The following ABTB3 variants were observed in gnomAD, a reference collection of about 807,000 sequenced individuals.
ABTB3 encodes the protein ankyrin repeat and BTB domain containing 3.
At chr12:107,421,239 A>G in the ABTB3 span, among the ~76,000 whole-genome samples, 1 of 152,190 alleles carries the variant, frequency 6.6e-6, no homozygotes, top group Non-Finnish European at 1.5e-5. Flanking sequence ...ACATCTCTGT[A>G]GTTTTAGAGC....
chr12:107,359,128 C>T, the ABTB3 span, among the ~76,000 whole-genome samples: 1 of 152,316 alleles, frequency 6.6e-6, no homozygotes, highest in South Asian at 2.1e-4. Context: ...AGTTGACATT[C>T]ATACTAATAA....
At chr12:107,340,694 T>C in the ABTB3 span, among the ~76,000 whole-genome samples, 1 of 151,968 alleles carries the variant, frequency 6.6e-6, no homozygotes, top group Non-Finnish European at 1.5e-5. Flanking sequence ...CCCATCCTAT[T>C]TTAGAGAGAA....
the ABTB3 span, among the ~76,000 whole-genome samples, chr12:107,476,016 A>C: frequency 6.6e-6 from 1 of 152,232 alleles, no homozygotes; most frequent in Admixed American, 6.5e-5. Flanking sequence ...CGTGGATCAC[A>C]CTTCCATAGA....
chr12:107,388,003 C>T, the ABTB3 span, among the ~76,000 whole-genome samples: 30 of 139,270 alleles, frequency 2.2e-4, no homozygotes, highest in Non-Finnish European at 3.0e-4. Context: ...GACAGAGTCT[C>T]GCTCTGTTGC....
the ABTB3 span, among the ~76,000 whole-genome samples, chr12:107,458,689 G>A: frequency 6.6e-6 from 1 of 152,150 alleles, no homozygotes; most frequent in African/African-American, 2.4e-5. Flanking sequence ...AGCCTGGGGA[G>A]TACCTGTGGG....
chr12:107,532,818 C>T, the ABTB3 span, among the ~76,000 whole-genome samples: 1 of 151,952 alleles, frequency 6.6e-6, no homozygotes, highest in Admixed American at 6.6e-5. Flanking sequence ...AAACTAGAAA[C>T]AGATTTCTCA....
chr12:107,319,403 G>A, the ABTB3 span: 2 of 1,600,052 alleles, frequency 1.2e-6, no homozygotes, highest in Non-Finnish European at 8.5e-7. Context: ...CCTGCGCTTC[G>A]CCAAGTGCAC....
the ABTB3 span, among the ~76,000 whole-genome samples, chr12:107,576,448 G>A: frequency 6.6e-6 from 1 of 152,142 alleles, no homozygotes; most frequent in South Asian, 2.1e-4. Flanking sequence ...CCACCCTCTT[G>A]CCCCACTGTG....
At chr12:107,591,953 C>A in the ABTB3 span, among the ~76,000 whole-genome samples, 2 of 152,172 alleles carry the variant, frequency 1.3e-5, no homozygotes, top group African/African-American at 4.8e-5. Context: ...CCAAAGCCTA[C>A]GTTCTCTCTA....
At chr12:107,652,583 A>T in the ABTB3 span, among the ~76,000 whole-genome samples, 1 of 152,164 alleles carries the variant, frequency 6.6e-6, no homozygotes, top group South Asian at 2.1e-4. Flanking sequence ...AATTAGAATC[A>T]CCTGGGGGAG....
the ABTB3 span, among the ~76,000 whole-genome samples, chr12:107,545,642 C>T: frequency 6.6e-6 from 1 of 152,196 alleles, no homozygotes; most frequent in Non-Finnish European, 1.5e-5. Context: ...TTACTCAGGT[C>T]TCCCACCATC....
At chr12:107,625,346 ATCT>A in the ABTB3 span, among the ~76,000 whole-genome samples, 4 of 151,724 alleles carry the variant, frequency 2.6e-5, no homozygotes, top group Non-Finnish European at 5.9e-5. Context: ...TCACTTGGAG[ATCT>A]TCTTGGTCCA....
chr12:107,512,645 T>C, the ABTB3 span, among the ~76,000 whole-genome samples: 1 of 152,196 alleles, frequency 6.6e-6, no homozygotes, highest in South Asian at 2.1e-4. Flanking sequence ...AGAAGCAGTA[T>C]GCTGAGTGGC....
chr12:107,353,154 T>C, the ABTB3 span, among the ~76,000 whole-genome samples: 1 of 149,448 alleles, frequency 6.7e-6, no homozygotes, highest in Non-Finnish European at 1.5e-5. Context: ...GACAGCTCTT[T>C]GGAGTTTCTG....
At chr12:107,481,464 T>C in the ABTB3 span, among the ~76,000 whole-genome samples, 1 of 152,172 alleles carries the variant, frequency 6.6e-6, no homozygotes, top group Non-Finnish European at 1.5e-5. Context: ...CTTGGGTCAC[T>C]GGTTGTGGTC....
chr12:107,576,531 G>A, the ABTB3 span, among the ~76,000 whole-genome samples: 1 of 152,098 alleles, frequency 6.6e-6, no homozygotes, highest in South Asian at 2.1e-4. Flanking sequence ...CTGGATTAGG[G>A]CCACTCTAAT....
chr12:107,361,960 A>G, the ABTB3 span, among the ~76,000 whole-genome samples: 4 of 152,304 alleles, frequency 2.6e-5, no homozygotes, highest in African/African-American at 7.2e-5. Flanking sequence ...CCCTTCCAAC[A>G]TGTTAGGACA....
the ABTB3 span, among the ~76,000 whole-genome samples, chr12:107,338,777 T>C: frequency 1.3e-5 from 2 of 152,238 alleles, no homozygotes; most frequent in Non-Finnish European, 2.9e-5. Flanking sequence ...TCAGAGGTGA[T>C]GAGGCTCCTC....
At chr12:107,404,766 T>C in the ABTB3 span, among the ~76,000 whole-genome samples, 1 of 152,258 alleles carries the variant, frequency 6.6e-6, no homozygotes, top group South Asian at 2.1e-4. Flanking sequence ...CACAGCCTCT[T>C]CCCTGGCTGA....
Sources: allele counts gnomAD v4.1 joint callset (sites outside exome capture counted in the v4.1 genomes callset), GRCh38; gene constraint gnomAD v4.1.1; transcripts MANE v1.5; gene names NCBI Gene and HGNC (gene_info 2026-07-23, HGNC 2026-07-21).